The following GRID2IP variants were observed in gnomAD, a reference collection of about 807,000 sequenced individuals.
GRID2IP encodes the protein delphilin.
GRID2IP carries 78 observed loss-of-function variants against 114.3 expected under a neutral mutation model. That is an observed-to-expected ratio of 0.68 (90% CI 0.57 to 0.82). The LOEUF (loss-of-function observed/expected upper bound fraction) is 0.82, where lower values mean the gene tolerates loss of function less well. Ranked by LOEUF, GRID2IP falls within the 40% of genes least tolerant of loss-of-function variation. The probability of loss-of-function intolerance (pLI) is 0.00; values close to 1 mark genes in which losing one functional copy is unlikely to be tolerated. For missense variants in GRID2IP, 1,727 were observed against 1,678.5 expected, an observed-to-expected ratio of 1.03 and a Z score of -0.51; for synonymous variants, 809 against 724.0, an observed-to-expected ratio of 1.12 and a Z score of -1.89.
At position 6,526,623 on chromosome 7, in the gene GRID2IP, A is replaced by C. The variant is rs1295057999; in HGVS notation, c.731T>G (p.Val244Gly). ...CGGCGGGGCGCTGGCGCGCGTGGAC[A>C]CCAGGAGGCGCTCCGGCCGCTCCTC... ...RSEERPERLL[V>G]STRASAPPRR... is the part of the protein sequence containing the mutation. The change falls in exon 3 of 22, where the codon GTG becomes GGG. Residue 244 changes from valine (V) to glycine (G), a missense_variant. Val to Gly is a moderately radical substitution (Grantham distance 109, BLOSUM62 -3). Coordinates refer to ENST00000457091, the MANE Select transcript of GRID2IP (RefSeq NM_001145118.2). The surrounding 1 kb of genome is among the most constrained non-coding windows in gnomAD (Gnocchi z 7.6). 7.8e-7 allele frequency: 1 copy of C among 1,286,712 alleles called. No individual in the cohort carries two copies. Among genetic ancestry groups the C allele is most frequent in the Non-Finnish European group, 9.8e-7 (1 of 1,017,022 alleles). The allele number at this position is 1,286,712 out of a possible 1,614,324, so 79.7% of individuals were successfully genotyped here.
intron 2 of GRID2IP, among the ~76,000 whole-genome samples, chr7:6,537,836 C>T (rs951627859): frequency 2.6e-5 from 4 of 151,944 alleles, no homozygotes; most frequent in Non-Finnish European, 4.4e-5. Context: ...GATGACAGAG[C>T]GAGACTCCGA....
At position 6,496,977 on chromosome 7, in the gene GRID2IP, C is replaced by CG. The variant is rs1786272595; in HGVS notation, c.*796dup. On this transcript the variant is annotated 3_prime_UTR_variant, in exon 22 of 22. Transcript: ENST00000457091. ...GTGTCATCTGCCCCCACACCTGCCC[C>CG]GGTCTCATGACTTGCTCCAGGGAAC... Among the ~76,000 whole-genome samples, 1 of 152,186 alleles carries CG rather than the reference C, an allele frequency of 6.6e-6. No individual in the cohort carries two copies. Among genetic ancestry groups the CG allele is most frequent in the Non-Finnish European group, 1.5e-5 (1 of 68,034 alleles).
chr7:6,502,730 G>GT (rs1031781507), intron 18 of GRID2IP, 56 bp downstream of exon 18: 1 of 1,313,418 alleles, frequency 7.6e-7, no homozygotes, highest in African/African-American at 1.5e-5. Context: ...TAGGCCTGGC[G>GT]TTAGCGCCTT....
Position 6,509,049 on chromosome 7 carries a change from G to A in GRID2IP, c.2036C>T (p.Thr679Ile), listed in dbSNP as rs572635809. 1.4e-6 allele frequency: 2 copies of A among 1,410,226 alleles called. No homozygotes were observed. The highest frequency in any genetic ancestry group is 6.7e-5 in the East Asian group (2 of 29,826). 87.4% of individuals were successfully genotyped at this position (1,410,226 alleles called of 1,614,324 possible). A position where few individuals can be genotyped will look rare whatever the true frequency, so the allele number is the denominator to read the frequency against. Residue 679 changes from threonine (T) to isoleucine (I), a missense_variant, in exon 12 of 22, where the codon ACT (threonine) becomes ATT (isoleucine). Thr to Ile is a moderately conservative substitution (Grantham distance 89). Coordinates refer to ENST00000457091, the MANE Select transcript of GRID2IP (RefSeq NM_001145118.2). This position sits in a 1 kb window ranked among gnomAD's most constrained non-coding sequence, Gnocchi z 4.9. ...TFSHPVRSRD[T>I]DRFLDVLSEQ... The stretch of plus-strand genomic sequence containing the variant: ...GCTCAGCACGTCCAGGAAGCGGTCA[G>A]TATCGCGGCTTCGCACAGGGTGGGA...
chr7:6,500,332 T>C (rs954838435), intron 20 of GRID2IP, among the ~76,000 whole-genome samples: 1 of 151,924 alleles, frequency 6.6e-6, no homozygotes, highest in African/African-American at 2.4e-5. Flanking sequence ...GTTGTGGTGG[T>C]GGGCACCTGT....
In GRID2IP at chr7:6,507,991, C is replaced by T. The variant is rs1786643663; in HGVS notation, c.2538G>A (p.Trp846Ter). The change falls in exon 13 of 22, where the codon TGG becomes TGA. Residue 846 changes from tryptophan (W) to a stop codon, truncating the protein, a stop_gained. Transcript: ENST00000457091. LOFTEE classifies it high-confidence loss of function. The surrounding 1 kb of genome is among the most constrained non-coding windows in gnomAD (Gnocchi z 5.3). The stretch of plus-strand genomic sequence containing the variant: ...TGGGTCCCAGGTCACCTACCTGACC[C>T]CAGATGGTGCCTTCTGAGTTCTCCA... Reference protein sequence around the residue: ...EQVENSEGTIWGQLGEDSDYD... With the variant: ...EQVENSEGTI 6.5e-7 allele frequency: 1 copy of T among 1,549,930 alleles called. No individual in the cohort carries two copies. Among genetic ancestry groups the T allele is most frequent in the South Asian group, 1.2e-5 (1 of 84,060 alleles).
At chr7:6,512,770 C>G (rs1446664329) in intron 8 of GRID2IP, among the ~76,000 whole-genome samples, 3 of 152,112 alleles carry the variant, frequency 2.0e-5, no homozygotes, top group African/African-American at 7.2e-5. Context: ...CTCAGCTCCA[C>G]AAAGTGCTGG....
chr7:6,497,638 CT>C lies in GRID2IP; in HGVS notation c.*135del. Reference sequence around the variant, plus strand: ...GGAGGGCCCGACCACAGCTCGGCGGCTGAGGTAGCTGCAGGAGAGGCTGGCG... The same window carrying C: ...GGAGGGCCCGACCACAGCTCGGCGGCGAGGTAGCTGCAGGAGAGGCTGGCG... On this transcript the variant is annotated 3_prime_UTR_variant, in exon 22 of 22. Transcript: ENST00000457091. 1.6e-6 allele frequency: 1 copy of C among 612,286 alleles called. No homozygotes were observed. Among genetic ancestry groups the C allele is most frequent in the Admixed American group, 3.3e-5 (1 of 30,664 alleles). The allele number at this position is 612,286 out of a possible 1,614,324, so 37.9% of individuals were successfully genotyped here.
Position 6,521,224 on chromosome 7 carries a change from G to A in GRID2IP, c.1084+205C>T, listed in dbSNP as rs957325760. ...GGCCTCAAGCGATCCTCCCACCTTG[G>A]CCTCCCAAAGTGCTGGGATTCCAGG... On this transcript the variant is annotated intron_variant, in intron 6 of 21. Transcript: ENST00000457091. The surrounding 1 kb of genome is among the most constrained non-coding windows in gnomAD (Gnocchi z 4.1). Among the ~76,000 whole-genome samples the A allele has an allele frequency of 7.9e-5, 12 of 152,108 alleles. No homozygotes were observed. The highest frequency in any genetic ancestry group is 2.9e-4 in the African/African-American group (12 of 41,426).
In GRID2IP at chr7:6,501,891, G is replaced by A. The variant is rs1193846951; in HGVS notation, c.3289C>T (p.Arg1097Trp). The A allele has an allele frequency of 2.6e-6, 4 of 1,551,508 alleles. No individual in the cohort carries two copies. The highest frequency in any genetic ancestry group is 2.6e-6 in the Non-Finnish European group (3 of 1,146,950). ...TCAGCCAGGTCACTGGTCAGGGCCC[G>A]TTGGTTCACTGTAGGGAAGAGGACA... ...TVPLAAKVNQ[R>W]ALTSDLADLH... is the part of the protein sequence containing the mutation. The change falls in exon 20 of 22, where the codon CGG becomes TGG. Residue 1097 changes from arginine (R) to tryptophan (W), a missense_variant. Coordinates refer to ENST00000457091, the MANE Select transcript of GRID2IP (RefSeq NM_001145118.2).
At chr7:6,500,783 G>C (rs117581740) in intron 20 of GRID2IP, among the ~76,000 whole-genome samples, 3,833 of 152,344 alleles carry the variant, frequency 0.025, 74 homozygotes, top group Middle Eastern at 0.054. Context: ...GAGCCAGAGA[G>C]GGGGAGCAGC....
chr7:6,507,369 A>G lies in GRID2IP; in HGVS notation c.2544+616T>C, dbSNP rs1786624967. 6.7e-6 allele frequency among the ~76,000 whole-genome samples: 1 copy of G among 149,744 alleles called. No homozygotes were observed. Among genetic ancestry groups the G allele is most frequent in the Non-Finnish European group, 1.5e-5 (1 of 67,594 alleles). The stretch of plus-strand genomic sequence containing the variant: ...TGGGGGTTGGAAACCATGTTCTAAG[A>G]GAATGATCTGAAAAAAAAAAAAAGG... On this transcript the variant is annotated intron_variant, in intron 13 of 21. Transcript: ENST00000457091. The surrounding 1 kb of genome is among the most constrained non-coding windows in gnomAD (Gnocchi z 5.3).
chr7:6,501,812 G>A lies in GRID2IP; in HGVS notation c.3368C>T (p.Ser1123Phe), dbSNP rs1370951096. The A allele has an allele frequency of 6.4e-7, 1 of 1,551,412 alleles. No homozygotes were observed. The change falls in exon 20 of 22, where the codon TCT (serine) becomes TTT (phenylalanine). Residue 1123 changes from serine to phenylalanine, a missense_variant. Coordinates refer to ENST00000457091, the MANE Select transcript of GRID2IP (RefSeq NM_001145118.2). Reference protein sequence around the residue: ...IQDACQSISPSSEDKFAMVMS... With the variant: ...IQDACQSISPFSEDKFAMVMS... ...GACCATTGCAAACTTGTCCTCGCTA[G>A]AGGGGGAAATGCTCTGGCAGGCATC... is the stretch of plus-strand genomic sequence containing the variant.
Position 6,526,727 on chromosome 7 carries a change from C to T in GRID2IP, c.627G>A (p.Val209=), listed in dbSNP as rs1266260442. ...GCTTGCCCAGGAGGCCCTGAGACAC[C>T]ACCTCGTCGAAGCGCGCCCGGTGCT... The part of the protein sequence containing the change: ...PKKHRARFDE[V]VSQGLLGKLC... The change falls in exon 3 of 22, where the codon GTG becomes GTA. Residue 209 remains valine, a synonymous_variant. Coordinates refer to ENST00000457091, the MANE Select transcript of GRID2IP (RefSeq NM_001145118.2). The surrounding 1 kb of genome is among the most constrained non-coding windows in gnomAD (Gnocchi z 7.6). 5.9e-6 allele frequency: 9 copies of T among 1,524,808 alleles called. No homozygotes were observed. The highest frequency in any genetic ancestry group is 4.1e-5 in the Admixed American group (2 of 49,258). The allele number at this position is 1,524,808 out of a possible 1,614,324, so 94.5% of individuals were successfully genotyped here. A position where few individuals can be genotyped will look rare whatever the true frequency, so the allele number is the denominator to read the frequency against.
Position 6,521,994 on chromosome 7 carries a change from G to A in GRID2IP, c.920-37C>T, listed in dbSNP as rs1369279544. The A allele has an allele frequency of 2.0e-6, 3 of 1,497,230 alleles. No homozygotes were observed. Among genetic ancestry groups the A allele is most frequent in the South Asian group, 1.2e-5 (1 of 82,966 alleles). 92.7% of individuals were successfully genotyped at this position (1,497,230 alleles called of 1,614,324 possible). ...AAGAGAGGGTGTGCCGGTCAGCTGG[G>A]CAGGGTACCACTTTGAGAGCAGGAT... On this transcript the variant is annotated intron_variant, in intron 4 of 21. Transcript: ENST00000457091. This position sits in a 1 kb window ranked among gnomAD's most constrained non-coding sequence, Gnocchi z 4.1.
intron 20 of GRID2IP, 83 bp from the exon 21 acceptor site, chr7:6,498,311 C>G (rs1786316876): frequency 7.5e-7 from 1 of 1,338,486 alleles, no homozygotes; most frequent in African/African-American, 1.5e-5. Flanking sequence ...AGGTCCCTAG[C>G]AGCCCTATTC....
Position 6,526,495 on chromosome 7 carries a change from T to C in GRID2IP, c.833+26A>G, listed in dbSNP as rs1583346909. 2.2e-6 allele frequency: 3 copies of C among 1,365,986 alleles called. No homozygotes were observed. Among genetic ancestry groups the C allele is most frequent in the Non-Finnish European group, 1.9e-6 (2 of 1,060,744 alleles). 84.6% of individuals were successfully genotyped at this position (1,365,986 alleles called of 1,614,324 possible). ...AGCCCACCCGCAGGGAGGCGCCCGC[T>C]GCCAGTGCCTGTGAGCCCCGCGTAC... On this transcript the variant is annotated intron_variant, in intron 3 of 21. Coordinates refer to ENST00000457091, the MANE Select transcript of GRID2IP (RefSeq NM_001145118.2). The surrounding 1 kb of genome is among the most constrained non-coding windows in gnomAD (Gnocchi z 7.6).
At chr7:6,537,103 C>T (rs1317854905) in intron 2 of GRID2IP, among the ~76,000 whole-genome samples, 1 of 151,962 alleles carries the variant, frequency 6.6e-6, no homozygotes, top group Admixed American at 6.6e-5. Flanking sequence ...CGGCGGGATC[C>T]GGGGAGGGAG....
chr7:6,512,597 G>A (rs776472582), intron 8 of GRID2IP, among the ~76,000 whole-genome samples: 2 of 151,230 alleles, frequency 1.3e-5, no homozygotes, highest in Admixed American at 6.6e-5. Flanking sequence ...TGCAACCTCC[G>A]TCTCCCAGGT....
Sources: gnomAD v4.1 joint callset for allele counts (sites outside exome capture counted in the v4.1 genomes callset) on GRCh38, gnomAD v4.1.1 for gene constraint, Gnocchi (gnomAD v3.1) non-coding constraint, MANE v1.5 for transcripts, NCBI Gene and HGNC (gene_info 2026-07-23, HGNC 2026-07-21) for gene names.